The following COL21A1 variants were observed in gnomAD, a reference collection of about 807,000 sequenced individuals.
COL21A1 encodes collagen type XXI alpha 1 chain, also known as collagen alpha-1(XXI) chain.
In COL21A1, 149 loss-of-function variants were observed where a neutral mutation model predicts 137.9. The ratio of observed to expected loss-of-function variants is 1.08; its 90% CI spans 0.95 to 1.24. The LOEUF (loss-of-function observed/expected upper bound fraction) is 1.24, where lower values mean the gene tolerates loss of function less well. COL21A1 is among the 50% of genes most tolerant of loss of function. The pLI is 0.00. For synonymous variants in COL21A1, 456 were observed against 391.5 expected (o/e 1.16, Z -1.95); for missense variants, 1,167 against 1,158.4 (o/e 1.01, Z -0.11).
intron 1 of COL21A1, among the ~76,000 whole-genome samples, chr6:56,261,192 G>A (rs996570426): frequency 6.6e-6 from 1 of 151,820 alleles, no homozygotes; most frequent in African/African-American, 2.4e-5. Flanking sequence ...GGTCATCCTG[G>A]CACTCACTAG....
intron 3 of COL21A1, 35 bp downstream of exon 3, chr6:56,179,543 G>T (rs377491687): frequency 1.3e-6 from 2 of 1,490,440 alleles, no homozygotes; most frequent in Non-Finnish European, 1.8e-6. Context: ...ATTATTAATT[G>T]CTTCCAAATT....
At chr6:56,373,873 C>T (rs1386045618) in intron 1 of COL21A1, among the ~76,000 whole-genome samples, 1 of 152,032 alleles carries the variant, frequency 6.6e-6, no homozygotes, top group Non-Finnish European at 1.5e-5. Flanking sequence ...AATTGTATAT[C>T]CTTTGACCAA....
At position 56,106,085 on chromosome 6, in the gene COL21A1, A is replaced by G. The variant is rs185727931; in HGVS notation, c.1759-4560T>C. Among the ~76,000 whole-genome samples, 14 of 152,312 alleles carry G rather than the reference A, an allele frequency of 9.2e-5. No homozygotes were observed. In the South Asian group the frequency reaches 1.9e-3, roughly 20 times the overall value. ...AACTTCCAGCTTCAACTGGACTTCAATGCAACTTCTATATTTCCTTTATCT... is the reference window on the plus strand; with the variant it reads ...AACTTCCAGCTTCAACTGGACTTCAGTGCAACTTCTATATTTCCTTTATCT... On this transcript the variant is annotated intron_variant, in intron 16 of 29. Coordinates refer to ENST00000244728, the MANE Select transcript of COL21A1 (RefSeq NM_030820.4).
chr6:56,097,882 T>TAAATATATAAATATATATAAATATATAA (rs1769575963), intron 17 of COL21A1, among the ~76,000 whole-genome samples: 3 of 94,948 alleles, frequency 3.2e-5, no homozygotes, highest in African/African-American at 1.3e-4. Context: ...TATAAATATA[T>TAAATATATAAATATATATAAATATATAA]AAATATATAT....
intron 17 of COL21A1, among the ~76,000 whole-genome samples, chr6:56,099,450 A>C (rs1426608243): frequency 6.6e-6 from 1 of 151,416 alleles, no homozygotes; most frequent in Non-Finnish European, 1.5e-5. Flanking sequence ...GTTAGCCAGG[A>C]TGGTCTCGAT....
chr6:56,320,468 G>T (rs1764837500), intron 1 of COL21A1, among the ~76,000 whole-genome samples: 1 of 151,518 alleles, frequency 6.6e-6, no homozygotes, highest in East Asian at 1.9e-4. Context: ...ATCTTATCCA[G>T]GGTCAATTTC....
intron 16 of COL21A1, among the ~76,000 whole-genome samples, chr6:56,105,586 A>G (rs577019289): frequency 1.3e-3 from 194 of 152,126 alleles, no homozygotes; most frequent in Non-Finnish European, 2.4e-3. Flanking sequence ...ACTAGGAGAG[A>G]ATATTTGGGT....
In COL21A1 at chr6:56,076,962, TACCTTA is replaced by T. The variant is rs1446046869; in HGVS notation, c.1857+561_1857+566del. Among the ~76,000 whole-genome samples the T allele has an allele frequency of 6.6e-5, 10 of 151,390 alleles. No individual in the cohort carries two copies. In the South Asian group the frequency reaches 1.0e-3, roughly 16 times the overall value. On this transcript the variant is annotated intron_variant, in intron 18 of 29. Transcript: ENST00000244728. ...TGAAGAACACTAAAAACAAATAAAA[TACCTTA>T]AAAGGTTCCAAAAGAAAGAAACAGA... is the stretch of plus-strand genomic sequence containing the variant.
intron 1 of COL21A1, among the ~76,000 whole-genome samples, chr6:56,233,917 T>C (rs1781742278): frequency 6.6e-6 from 1 of 151,806 alleles, no homozygotes; most frequent in South Asian, 2.1e-4. Context: ...GGGTAATTGA[T>C]ACCAATCAGC....
intron 1 of COL21A1, among the ~76,000 whole-genome samples, chr6:56,367,662 G>T (rs949309332): frequency 2.6e-5 from 4 of 152,156 alleles, no homozygotes; most frequent in African/African-American, 9.7e-5. Context: ...TGTTATGTAA[G>T]TTAGTAAATA....
At chr6:56,297,165 C>A (rs1226674514) in intron 1 of COL21A1, among the ~76,000 whole-genome samples, 1 of 151,984 alleles carries the variant, frequency 6.6e-6, no homozygotes, top group East Asian at 1.9e-4. Flanking sequence ...AAAATGACAA[C>A]ATATTTCAAT....
chr6:56,159,466 G>A (rs566209284), intron 9 of COL21A1, among the ~76,000 whole-genome samples: 1 of 151,674 alleles, frequency 6.6e-6, no homozygotes, highest in Non-Finnish European at 1.5e-5. Flanking sequence ...CCAAGCAGCT[G>A]GGATTACAGG....
intron 1 of COL21A1, among the ~76,000 whole-genome samples, chr6:56,290,842 A>G (rs1764025525): frequency 6.6e-6 from 1 of 152,160 alleles, no homozygotes; most frequent in Non-Finnish European, 1.5e-5. Flanking sequence ...TGCTTAGGCA[A>G]CACCTCAAAC....
rs370697652 is a variant in COL21A1 at position 56,116,396 on chromosome 6, T to TAA, written c.1758+7664_1758+7665dup. Among the ~76,000 whole-genome samples, 745 of 90,782 alleles carry TAA rather than the reference T, an allele frequency of 8.2e-3. 33 individuals carry two copies. Among genetic ancestry groups the TAA allele is most frequent in the East Asian group, 0.014 (37 of 2,564 alleles). The allele number at this position is 90,782 out of a possible 152,430, so 59.6% of individuals were successfully genotyped here. On this transcript the variant is annotated intron_variant, in intron 16 of 29. Transcript: ENST00000244728. The stretch of plus-strand genomic sequence containing the variant: ...CATGACATTTTTTAAGTGCCAAAGG[T>TAA]AAAAAAAAAAAAAAAAAAAAAAAAA...
intron 10 of COL21A1, among the ~76,000 whole-genome samples, chr6:56,152,003 C>T (rs758441043): frequency 6.6e-6 from 1 of 152,188 alleles, no homozygotes; most frequent in Non-Finnish European, 1.5e-5. Context: ...AGGATTTGGG[C>T]TGATGTATCA....
intron 1 of COL21A1, among the ~76,000 whole-genome samples, chr6:56,384,159 A>G (rs916130431): frequency 5.9e-5 from 9 of 152,134 alleles, no homozygotes; most frequent in African/African-American, 2.2e-4. Flanking sequence ...GTGTCTCCCT[A>G]GTGCCCTGTC....
At position 56,166,973 on chromosome 6, in the gene COL21A1, T is replaced by G; in HGVS notation, c.1211A>C (p.Gln404Pro). The change falls in exon 7 of 30, where the codon CAA (glutamine) becomes CCA (proline). Residue 404 changes from glutamine to proline, a missense_variant. Physicochemically the swap from Gln to Pro is moderately conservative, Grantham distance 76. Transcript: ENST00000244728. ...TGGGTCACAGTAGATTCGCAACTTT[T>G]GGACATCAAACTAAGAACATAAACC... ...GKEETVQFDV[Q>P]KLRIYCDPEQ... 1 of 1,611,116 alleles carries G rather than the reference T, an allele frequency of 6.2e-7. No homozygotes were observed. Among genetic ancestry groups the G allele is most frequent in the East Asian group, 2.2e-5 (1 of 44,822 alleles).
At chr6:56,160,548 CAT>C (rs1366992226) in intron 9 of COL21A1, among the ~76,000 whole-genome samples, 1 of 152,176 alleles carries the variant, frequency 6.6e-6, no homozygotes, top group African/African-American at 2.4e-5. Flanking sequence ...AAATTAGACA[CAT>C]GACTTATTAT....
chr6:56,276,807 G>GGC (rs1554174888), intron 1 of COL21A1: 1 of 906,326 alleles, frequency 1.1e-6, no homozygotes, highest in East Asian at 2.6e-5. Context: ...TGTTTTTTTT[G>GGC]TTTTTTTTGT....
Sources: allele counts gnomAD v4.1 joint callset (sites outside exome capture counted in the v4.1 genomes callset), GRCh38; gene constraint gnomAD v4.1.1; transcripts MANE v1.5; gene names NCBI Gene and HGNC (gene_info 2026-07-23, HGNC 2026-07-21).